The following DEPDC5 variants were observed in gnomAD, a reference collection of about 807,000 sequenced individuals.
DEPDC5 encodes the protein DEP domain containing 5, GATOR1 subcomplex subunit.
A neutral mutation model predicts 217.3 loss-of-function variants in DEPDC5; 73 were observed. The ratio of observed to expected loss-of-function variants is 0.34; its 90% CI spans 0.28 to 0.41. The LOEUF (loss-of-function observed/expected upper bound fraction) is 0.41. DEPDC5 is among the 10% of genes least tolerant of loss of function. DEPDC5 has a pLI of 1.00. For missense variants in DEPDC5, 1,675 were observed against 2,070.1 expected, an observed-to-expected ratio of 0.81 and a Z score of 3.70; for synonymous variants, 733 against 756.7, an observed-to-expected ratio of 0.97 and a Z score of 0.51.
chr22:31,760,759 G>A, intron 4 of DEPDC5, 57 bp downstream of exon 4: 1 of 1,395,500 alleles, frequency 7.2e-7, no homozygotes, highest in Non-Finnish European at 9.9e-7. Flanking sequence ...GAAACTGTAA[G>A]AAATCTCTCT....
In DEPDC5 at chr22:31,758,646, T is replaced by A; in HGVS notation, c.146+13T>A. ...ACGATGAATACAGGTGAGTGTCTCA[T>A]AGGATCCATGGAACTGGGCAATTCA... On this transcript the variant is annotated intron_variant, in intron 3 of 42. Coordinates refer to ENST00000651528, the MANE Select transcript of DEPDC5 (RefSeq NM_001242896.3). The A allele has an allele frequency of 1.2e-6, 2 of 1,611,736 alleles. No individual in the cohort carries two copies. Among genetic ancestry groups the A allele is most frequent in the Non-Finnish European group, 1.7e-6 (2 of 1,177,878 alleles).
chr22:31,809,343 G>A (rs2087961690), intron 18 of DEPDC5, among the ~76,000 whole-genome samples: 1 of 152,174 alleles, frequency 6.6e-6, no homozygotes, highest in African/African-American at 2.4e-5. Flanking sequence ...CTGAATGTGT[G>A]GCTTTGGGTA....
rs898166873 is a variant in DEPDC5, at chr22:31,864,967, A to G, written c.3330+3534A>G. 4.2e-5 allele frequency among the ~76,000 whole-genome samples: 6 copies of G among 141,604 alleles called. 1 individual carries two copies. In the South Asian group the frequency reaches 1.2e-3, roughly 29 times the overall value. 92.9% of individuals were successfully genotyped at this position (141,604 alleles called of 152,430 possible). Reference sequence around the variant, plus strand: ...TGGCCTCCCAAAGTGCTGGGATTACAGAAGTGAGCCATCGCGCTTGGCCTA... The same window carrying G: ...TGGCCTCCCAAAGTGCTGGGATTACGGAAGTGAGCCATCGCGCTTGGCCTA... On this transcript the variant is annotated intron_variant, in intron 33 of 42. Transcript: ENST00000651528.
In DEPDC5 at chr22:31,906,493, C is replaced by T. The variant is rs755174447; in HGVS notation, c.4808C>T (p.Pro1603Leu). Residue 1603 changes from proline (P) to leucine (L), a missense_variant, in exon 43 of 43, where the codon CCG becomes CTG. Pro to Leu is a moderately conservative substitution (Grantham distance 98). This residue lies in a region of DEPDC5 where 49 missense variants were observed against 74.7 expected (regional missense o/e 0.66). Transcript: ENST00000651528. This position sits in a 1 kb window ranked among gnomAD's most constrained non-coding sequence, Gnocchi z 5.1. ...SCLEKMHASA[P>L] ...CTGGAGAAGATGCATGCCAGTGCCCCGTGAGGCCAGGCTGCACCTGTGCTG... is the reference window on the plus strand; with the variant it reads ...CTGGAGAAGATGCATGCCAGTGCCCTGTGAGGCCAGGCTGCACCTGTGCTG... 1.3e-6 allele frequency: 2 copies of T among 1,585,858 alleles called. No individual in the cohort carries two copies. The highest frequency in any genetic ancestry group is 2.2e-5 in the East Asian group (1 of 44,806).
At chr22:31,762,283 G>A (rs971688564) in intron 4 of DEPDC5, among the ~76,000 whole-genome samples, 14 of 152,068 alleles carry the variant, frequency 9.2e-5, no homozygotes, top group African/African-American at 1.7e-4. Context: ...ATTATCTGCC[G>A]GACTATACAG....
chr22:31,833,733 A>G (rs749919612), intron 24 of DEPDC5, 182 bp from the exon 25 acceptor site: 9 of 481,894 alleles, frequency 1.9e-5, no homozygotes, highest in Admixed American at 3.0e-5. Flanking sequence ...CTCATTCCCA[A>G]TTTTAGATTG....
At chr22:31,754,748 C>CT in intron 1 of DEPDC5, 114 bp from the exon 2 acceptor site, 1 of 663,404 alleles carries the variant, frequency 1.5e-6, no homozygotes, top group Non-Finnish European at 2.6e-6. Flanking sequence ...CCGAGAGTCA[C>CT]TTGGCACCAC....
At chr22:31,806,728 G>A (rs2087585286) in intron 18 of DEPDC5, among the ~76,000 whole-genome samples, 1 of 152,234 alleles carries the variant, frequency 6.6e-6, no homozygotes, top group South Asian at 2.1e-4. Context: ...AATTCTGGCT[G>A]TGTGCAGTGG....
At chr22:31,786,922 G>T (rs1197929676) in intron 10 of DEPDC5, among the ~76,000 whole-genome samples, 1 of 151,926 alleles carries the variant, frequency 6.6e-6, no homozygotes, top group African/African-American at 2.4e-5. Flanking sequence ...GGGATTACAG[G>T]TGCCCGCTAC....
Position 31,906,575 on chromosome 22 carries a change from T to A in DEPDC5, c.*78T>A. 6.5e-7 allele frequency: 1 copy of A among 1,549,274 alleles called. No individual in the cohort carries two copies. Among genetic ancestry groups the A allele is most frequent in the Non-Finnish European group, 8.7e-7 (1 of 1,143,086 alleles). ...CCGGGGCGGAGGATTCCAGGCAGGC[T>A]CTAGGAGTCAGGTGTCCGTTTGCTG... On this transcript the variant is annotated 3_prime_UTR_variant, in exon 43 of 43. Coordinates refer to ENST00000651528, the MANE Select transcript of DEPDC5 (RefSeq NM_001242896.3). This position sits in a 1 kb window ranked among gnomAD's most constrained non-coding sequence, Gnocchi z 5.1.
In DEPDC5 at chr22:31,873,274, A is replaced by T; in HGVS notation, c.3505A>T (p.Ser1169Cys). ...TTACAGCTCTCAGCAGCTGGTGGCA[A>T]GCTCCTTGACCTCATCCTCTACCCT... ...SDSSSQQLVA[S>C]SLTSSSTLTE... Residue 1169 changes from serine to cysteine, a missense_variant, in exon 35 of 43, where the codon AGC (serine) becomes TGC (cysteine). This residue lies in a region of DEPDC5 where 194 missense variants were observed against 199.3 expected (regional missense o/e 0.97). Transcript: ENST00000651528. 1 of 1,614,094 alleles carries T rather than the reference A, an allele frequency of 6.2e-7. No homozygotes were observed. Among genetic ancestry groups the T allele is most frequent in the Admixed American group, 1.7e-5 (1 of 60,018 alleles).
At chr22:31,777,727 G>A (rs1284028471) in intron 7 of DEPDC5, among the ~76,000 whole-genome samples, 3 of 152,034 alleles carry the variant, frequency 2.0e-5, no homozygotes, top group South Asian at 4.2e-4. Context: ...ACCTGAAGTT[G>A]CCCCTATTTC....
chr22:31,831,777 TA>T (rs774801072), intron 24 of DEPDC5, among the ~76,000 whole-genome samples: 5 of 152,228 alleles, frequency 3.3e-5, no homozygotes, highest in Non-Finnish European at 7.3e-5. Flanking sequence ...ATTAGTTATT[TA>T]AAAATTTATG....
chr22:31,823,163 C>T (rs2089856846), intron 24 of DEPDC5: 1 of 214,270 alleles, frequency 4.7e-6, no homozygotes, highest in Non-Finnish European at 9.6e-6. Context: ...ACAGGAGAGA[C>T]CCAGAGGGGA....
chr22:31,763,903 T>TA (rs1342546184), intron 4 of DEPDC5, among the ~76,000 whole-genome samples: 1 of 151,954 alleles, frequency 6.6e-6, no homozygotes, highest in Non-Finnish European at 1.5e-5. Flanking sequence ...TTATGTTTTT[T>TA]ATGTTATGTT....
intron 2 of DEPDC5, chr22:31,757,286 T>G (rs2082012259): frequency 6.6e-6 from 1 of 152,128 alleles, no homozygotes; most frequent in Admixed American, 6.6e-5. Context: ...AGTTCCAGAC[T>G]ATAGTACATT....
chr22:31,891,146 A>T (rs1602811072), intron 38 of DEPDC5: 1 of 477,416 alleles, frequency 2.1e-6, no homozygotes, highest in Non-Finnish European at 4.0e-6. Flanking sequence ...GAATGTTTTT[A>T]TTTTTTTGTA....
rs201115238 is a variant in DEPDC5, at chr22:31,856,151, A to ACG, written c.3156-1290_3156-1289dup. 3.2e-3 allele frequency among the ~76,000 whole-genome samples: 291 copies of ACG among 89,626 alleles called. 3 individuals carry two copies. The highest frequency in any genetic ancestry group is 0.026 in the South Asian group (47 of 1,816). The allele number at this position is 89,626 out of a possible 152,430, so 58.8% of individuals were successfully genotyped here. A position where few individuals can be genotyped will look rare whatever the true frequency, so the allele number is the denominator to read the frequency against. On this transcript the variant is annotated intron_variant, in intron 31 of 42. Coordinates refer to ENST00000651528, the MANE Select transcript of DEPDC5 (RefSeq NM_001242896.3). ...CTCAGAGATGTGCTGAGTTGGGCCA[A>ACG]CGCGCACACACACACACACACACAC...
At chr22:31,843,294 C>A in intron 28 of DEPDC5, 82 bp downstream of exon 28, 1 of 1,358,474 alleles carries the variant, frequency 7.4e-7, no homozygotes, top group Non-Finnish European at 1.0e-6. Flanking sequence ...GTACATCATT[C>A]AAACTGAGGA....
Sources: gnomAD v4.1 joint callset for allele counts (sites outside exome capture counted in the v4.1 genomes callset) on GRCh38, gnomAD v4.1.1 for gene constraint, gnomAD v4.1.1 regional missense constraint, Gnocchi (gnomAD v3.1) non-coding constraint, MANE v1.5 for transcripts, NCBI Gene and HGNC (gene_info 2026-07-23, HGNC 2026-07-21) for gene names.